Variants in GLI3 observed in about 807,000 individuals in gnomAD.
GLI3 encodes the protein GLI family zinc finger 3.
Under a neutral mutation model 100.8 loss-of-function variants are expected in GLI3, and 20 were observed. The observed-to-expected ratio is 0.20, with a 90% CI of 0.14 to 0.29. The LOEUF is 0.29. Among genes scored for constraint, GLI3 ranks in the 10% least tolerant of loss-of-function variants. GLI3 has a pLI of 1.00. For missense variants in GLI3, 2,040 were observed against 2,128.5 expected, an observed-to-expected ratio of 0.96 and a Z score of 0.82; for synonymous variants, 938 against 860.5, an observed-to-expected ratio of 1.09 and a Z score of -1.58.
In GLI3 at chr7:42,076,988, C is replaced by G. The variant is rs909221452; in HGVS notation, c.368-131G>C. The G allele has an allele frequency of 2.0e-4, 146 of 717,070 alleles. No individual in the cohort carries two copies. The African/African-American group carries it at 2.4e-3, about 12-fold the overall frequency. 44.4% of individuals were successfully genotyped at this position (717,070 alleles called of 1,614,324 possible). A position where few individuals can be genotyped will look rare whatever the true frequency, so the allele number is the denominator to read the frequency against. ...TAATCTAAGAATTTGTAAAAGAACT[C>G]TTTAAGGTTAGTTATGAAGCTCTGT... On this transcript the variant is annotated intron_variant, in intron 3 of 14. Coordinates refer to ENST00000395925, the MANE Select transcript of GLI3 (RefSeq NM_000168.6).
chr7:42,201,524 T>A (rs1788039816), intron 2 of GLI3, among the ~76,000 whole-genome samples: 1 of 152,104 alleles, frequency 6.6e-6, no homozygotes, highest in South Asian at 2.1e-4. Context: ...AAACCAGAAG[T>A]CACTTTGGGG....
intron 12 of GLI3, among the ~76,000 whole-genome samples, chr7:41,973,327 A>G (rs1787415964): frequency 6.6e-6 from 1 of 152,196 alleles, no homozygotes. Context: ...CAGAGGGCTG[A>G]CGGATGTTCT....
chr7:42,017,425 G>T (rs982373718), intron 10 of GLI3, among the ~76,000 whole-genome samples: 5 of 152,042 alleles, frequency 3.3e-5, no homozygotes, highest in African/African-American at 1.2e-4. Flanking sequence ...CTAATACATG[G>T]CCGCCTCTTA....
At chr7:42,048,271 C>T (rs1006375455) in intron 5 of GLI3, among the ~76,000 whole-genome samples, 1 of 152,134 alleles carries the variant, frequency 6.6e-6, no homozygotes, top group African/African-American at 2.4e-5. Context: ...AAGTAAACCC[C>T]ACTGCACGCT....
At chr7:42,029,479 T>C (rs1789221039) in intron 7 of GLI3, among the ~76,000 whole-genome samples, 1 of 152,154 alleles carries the variant, frequency 6.6e-6, no homozygotes, top group African/African-American at 2.4e-5. Context: ...TCAACTCTCT[T>C]GGGCAAGATC....
chr7:42,059,881 G>A (rs558678462), intron 4 of GLI3, among the ~76,000 whole-genome samples: 5 of 152,368 alleles, frequency 3.3e-5, no homozygotes, highest in East Asian at 3.9e-4. Flanking sequence ...AGCAGGCCAC[G>A]GCAGAGGCCA....
intron 10 of GLI3, among the ~76,000 whole-genome samples, chr7:41,996,239 T>C (rs1338963300): frequency 6.6e-6 from 1 of 152,262 alleles, no homozygotes; most frequent in Non-Finnish European, 1.5e-5. Context: ...ATGAACTGGC[T>C]AATTTTCCTA....
At chr7:42,039,549 C>T (rs140947860) in intron 7 of GLI3, among the ~76,000 whole-genome samples, 2 of 152,328 alleles carry the variant, frequency 1.3e-5, no homozygotes, top group African/African-American at 4.8e-5. Context: ...GTCATCTGCA[C>T]TTATTTTCCA....
At chr7:42,043,804 A>T (rs1328288283) in intron 6 of GLI3, among the ~76,000 whole-genome samples, 1 of 152,216 alleles carries the variant, frequency 6.6e-6, no homozygotes, top group African/African-American at 2.4e-5. Context: ...ATGCGGGCTG[A>T]CCTTCCAAGG....
upstream of GLI3, among the ~76,000 whole-genome samples, chr7:42,240,632 T>C (rs1221493771): frequency 1.3e-5 from 2 of 152,184 alleles, no homozygotes; most frequent in African/African-American, 4.8e-5. Flanking sequence ...TCTCTTCTTA[T>C]AAAAGCACGA....
rs147826912 is a variant in GLI3, at chr7:42,083,007, T to G, written c.368-6150A>C. ...AACAAGCATATCAGGGCAAATGGGG[T>G]ATCCATCACCTCAAGCATTTATTAT... is the stretch of plus-strand genomic sequence containing the variant. On this transcript the variant is annotated intron_variant, in intron 3 of 14. Coordinates refer to ENST00000395925, the MANE Select transcript of GLI3 (RefSeq NM_000168.6). Among the ~76,000 whole-genome samples, 318 of 152,230 alleles carry G rather than the reference T, an allele frequency of 2.1e-3. 1 individual carries two copies. Among genetic ancestry groups the G allele is most frequent in the Middle Eastern group, 0.01 (3 of 294 alleles).
chr7:42,048,836 T>C, intron 4 of GLI3, 140 bp from the exon 5 acceptor site: 1 of 678,212 alleles, frequency 1.5e-6, no homozygotes, highest in South Asian at 1.7e-5. Flanking sequence ...GGCAAATACA[T>C]ATTAGTACTA....
Position 41,964,391 on chromosome 7 carries a change from T to C in GLI3, c.4682A>G (p.Asp1561Gly), listed in dbSNP as rs2128704685. 6.2e-7 allele frequency: 1 copy of C among 1,614,108 alleles called. No individual in the cohort carries two copies. Residue 1561 changes from aspartate (D) to glycine (G), a missense_variant, in exon 15 of 15, where the codon GAC (aspartate) becomes GGC (glycine). Asp to Gly is a moderately conservative substitution (Grantham distance 94). Coordinates refer to ENST00000395925, the MANE Select transcript of GLI3 (RefSeq NM_000168.6). ...TAGGGAGGTCAGCAAAGAACTCATG[T>C]CCCCGATAGCCATGTTGGTGGTGCT... is the stretch of plus-strand genomic sequence containing the variant. ...SMSTTNMAIG[D>G]MSSLLTSLAE...
At chr7:42,109,152 A>C (rs1785644387) in intron 3 of GLI3, among the ~76,000 whole-genome samples, 1 of 152,162 alleles carries the variant, frequency 6.6e-6, no homozygotes, top group African/African-American at 2.4e-5. Flanking sequence ...TAGACATTTA[A>C]CCATGGCCCC....
chr7:42,089,311 T>G (rs746902985), intron 3 of GLI3, among the ~76,000 whole-genome samples: 2 of 152,242 alleles, frequency 1.3e-5, no homozygotes, highest in Non-Finnish European at 2.9e-5. Context: ...AGTGCAAGAC[T>G]GCTTCTCATG....
intron 2 of GLI3, among the ~76,000 whole-genome samples, chr7:42,187,576 C>T (rs965447719): frequency 1.3e-5 from 2 of 152,090 alleles, no homozygotes; most frequent in Admixed American, 1.3e-4. Context: ...ATAGTGTCCT[C>T]CCCAAAATTC....
upstream of GLI3, chr7:42,237,659 C>T (rs887145374): frequency 6.6e-6 from 1 of 152,434 alleles, no homozygotes; most frequent in African/African-American, 2.4e-5. Flanking sequence ...CTTCCTCCGC[C>T]CCGGCCCCCG....
At chr7:42,108,881 C>T (rs987131250) in intron 3 of GLI3, among the ~76,000 whole-genome samples, 17 of 152,172 alleles carry the variant, frequency 1.1e-4, no homozygotes, top group African/African-American at 3.1e-4. Context: ...CTTTGCACGA[C>T]GTCCCCATCC....
intron 3 of GLI3, among the ~76,000 whole-genome samples, chr7:42,116,049 C>G (rs1394736676): frequency 6.6e-6 from 1 of 152,032 alleles, no homozygotes; most frequent in Non-Finnish European, 1.5e-5. Flanking sequence ...CAAGACCAGA[C>G]AGAAACCCTT....
Sources: gnomAD v4.1 joint callset for allele counts (sites outside exome capture counted in the v4.1 genomes callset) on GRCh38, gnomAD v4.1.1 for gene constraint, MANE v1.5 for transcripts, NCBI Gene and HGNC (gene_info 2026-07-23, HGNC 2026-07-21) for gene names.